ARRB1: variants seen among roughly 807,000 people sequenced by gnomAD.
The protein encoded by ARRB1 is arrestin beta 1, also known as beta-arrestin-1.
In ARRB1, 21 loss-of-function variants were observed where a neutral mutation model predicts 56.8. The observed-to-expected ratio is 0.37, with a 90% CI of 0.26 to 0.53. The LOEUF (loss-of-function observed/expected upper bound fraction) is 0.53, where lower values mean the gene tolerates loss of function less well. Among genes scored for constraint, ARRB1 ranks in the 20% least tolerant of loss-of-function variants. The probability of loss-of-function intolerance (pLI) is 0.88; values close to 1 mark genes in which losing one functional copy is unlikely to be tolerated. For missense variants in ARRB1, 424 were observed against 553.7 expected (o/e 0.77, Z 2.35); for synonymous variants, 210 against 218.6 (o/e 0.96, Z 0.35).
At chr11:75,313,976 A>G (rs1422978226) in intron 1 of ARRB1, among the ~76,000 whole-genome samples, 1 of 152,150 alleles carries the variant, frequency 6.6e-6, no homozygotes, top group Non-Finnish European at 1.5e-5. Context: ...TCCTCTGCCT[A>G]AAAACTCTTA....
chr11:75,286,397 A>G (rs887373298), intron 3 of ARRB1, among the ~76,000 whole-genome samples: 1 of 150,674 alleles, frequency 6.6e-6, no homozygotes, highest in African/African-American at 2.4e-5. Context: ...CCACCCCAGT[A>G]GCAGGGAATA....
chr11:75,317,332 G>A (rs11602383), intron 1 of ARRB1, among the ~76,000 whole-genome samples: 2 of 151,934 alleles, frequency 1.3e-5, no homozygotes, highest in Non-Finnish European at 2.9e-5. Flanking sequence ...CCCTCCAGGT[G>A]CTCTCCCCTC....
chr11:75,282,235 C>T (rs531730808), intron 5 of ARRB1: 8 of 526,608 alleles, frequency 1.5e-5, no homozygotes, highest in East Asian at 6.1e-5. Context: ...GCCCAGTCCT[C>T]GCAGCAATGG....
chr11:75,286,339 G>A (rs912279776), intron 3 of ARRB1, among the ~76,000 whole-genome samples: 17 of 124,126 alleles, frequency 1.4e-4, no homozygotes, highest in African/African-American at 1.9e-4. Flanking sequence ...GCATGATCTC[G>A]CTAACTGCAA....
intron 1 of ARRB1, chr11:75,306,822 G>T: frequency 2.2e-6 from 1 of 453,286 alleles, no homozygotes; most frequent in Non-Finnish European, 3.7e-6. Context: ...ATGTCCCTGG[G>T]CTGGCAGCAC....
chr11:75,264,512 G>A lies in ARRB1; in HGVS notation c.*1651C>T, dbSNP rs187975460. 384 of 152,326 alleles carry A rather than the reference G, an allele frequency of 2.5e-3. No homozygotes were observed. Among genetic ancestry groups the A allele is most frequent in the Admixed American group, 6.9e-3 (105 of 15,294 alleles). 9.4% of individuals were successfully genotyped at this position (152,326 alleles called of 1,614,324 possible). A position where few individuals can be genotyped will look rare whatever the true frequency, so the allele number is the denominator to read the frequency against. ...AAAGATATGCTCTGTCCCTCCTTGGGCAACTCATGCTACCTATGGCCACAG... is the reference window on the plus strand; with the variant it reads ...AAAGATATGCTCTGTCCCTCCTTGGACAACTCATGCTACCTATGGCCACAG... On this transcript the variant is annotated 3_prime_UTR_variant, in exon 16 of 16. Transcript: ENST00000420843.
At chr11:75,277,197 T>C (rs1946219825) in intron 9 of ARRB1, among the ~76,000 whole-genome samples, 167 bp downstream of exon 9, 1 of 152,250 alleles carries the variant, frequency 6.6e-6, no homozygotes, top group Non-Finnish European at 1.5e-5. Flanking sequence ...ATAAGCAGCC[T>C]GCCTTACCCA....
At chr11:75,267,767 A>G in intron 14 of ARRB1, 64 bp from the exon 15 acceptor site, 1 of 1,440,580 alleles carries the variant, frequency 6.9e-7, no homozygotes, top group Non-Finnish European at 9.7e-7. Flanking sequence ...CGGGGCGAGT[A>G]AGCACAGGCC....
intron 4 of ARRB1, 23 bp downstream of exon 4, chr11:75,284,212 T>A (rs756310170): frequency 2.5e-6 from 4 of 1,598,102 alleles, no homozygotes; most frequent in South Asian, 1.1e-5. Context: ...CTTGACAGGC[T>A]GGGGATGGGG....
chr11:75,273,045 G>A, intron 11 of ARRB1, 67 bp from the exon 12 acceptor site: 3 of 1,399,044 alleles, frequency 2.1e-6, no homozygotes, highest in Non-Finnish European at 2.0e-6. Flanking sequence ...TCAGGGGTGG[G>A]TATGCTGGGG....
intron 8 of ARRB1, 107 bp from the exon 9 acceptor site, chr11:75,277,555 G>T: frequency 2.0e-6 from 2 of 992,008 alleles, no homozygotes; most frequent in Non-Finnish European, 3.1e-6. Flanking sequence ...CCCAGACCTT[G>T]CGCAGACCTT....
chr11:75,266,301 G>A, intron 15 of ARRB1, 27 bp from the exon 16 acceptor site: 8 of 1,593,848 alleles, frequency 5.0e-6, no homozygotes, highest in Non-Finnish European at 6.9e-6. Flanking sequence ...GGAAAATGTG[G>A]TGTGTTTGCA....
At chr11:75,325,586 G>A (rs571226476) in intron 1 of ARRB1, among the ~76,000 whole-genome samples, 15 of 152,344 alleles carry the variant, frequency 9.8e-5, no homozygotes, top group Middle Eastern at 6.8e-3. Context: ...GCCTCCCAAA[G>A]TGTTGGGATT....
intron 1 of ARRB1, among the ~76,000 whole-genome samples, chr11:75,318,230 C>A (rs1228411049): frequency 1.5e-5 from 2 of 136,144 alleles, no homozygotes; most frequent in Non-Finnish European, 3.1e-5. Context: ...ACAGCACAAT[C>A]ATAGCTCACT....
chr11:75,266,710 C>A (rs528592153), intron 15 of ARRB1, among the ~76,000 whole-genome samples: 46 of 152,296 alleles, frequency 3.0e-4, no homozygotes, highest in African/African-American at 1.1e-3. Context: ...CACCCCACCA[C>A]CCAGAAAACT....
At chr11:75,311,981 G>T in intron 1 of ARRB1, 2 of 1,238,908 alleles carry the variant, frequency 1.6e-6, no homozygotes, top group South Asian at 1.3e-5. Flanking sequence ...GGGCCGAGGG[G>T]CTGGGAAAAA....
chr11:75,319,924 G>A (rs2140493817), intron 1 of ARRB1, among the ~76,000 whole-genome samples: 1 of 152,336 alleles, frequency 6.6e-6, no homozygotes, highest in South Asian at 2.1e-4. Context: ...TGGCAAAGCA[G>A]CACAAAACTC....
At chr11:75,344,592 C>A (rs562312428) in intron 1 of ARRB1, among the ~76,000 whole-genome samples, 1 of 152,276 alleles carries the variant, frequency 6.6e-6, no homozygotes, top group African/African-American at 2.4e-5. Context: ...GAGGTTTGCT[C>A]ACCCTCTGTC....
At chr11:75,344,785 G>A (rs1947741250) in intron 1 of ARRB1, among the ~76,000 whole-genome samples, 1 of 152,108 alleles carries the variant, frequency 6.6e-6, no homozygotes. Flanking sequence ...GATGGGGGAA[G>A]AAAGGAAGAA....
Sources: allele counts gnomAD v4.1 joint callset (sites outside exome capture counted in the v4.1 genomes callset), GRCh38; gene constraint gnomAD v4.1.1; transcripts MANE v1.5; gene names NCBI Gene and HGNC (gene_info 2026-07-23, HGNC 2026-07-21).